MRRF: variants seen among roughly 807,000 people sequenced by gnomAD.
The protein encoded by MRRF is ribosome-recycling factor, mitochondrial.
A neutral mutation model predicts 25.1 loss-of-function variants in MRRF; 18 were observed. The observed-to-expected ratio is 0.72, with a 90% CI of 0.50 to 1.06. MRRF has a LOEUF of 1.06. MRRF is among the 50% of genes least tolerant of loss of function. MRRF has a pLI of 0.00. For missense variants in MRRF, 323 were observed against 319.3 expected, an observed-to-expected ratio of 1.01 and a Z score of -0.09; for synonymous variants, 113 against 112.1, an observed-to-expected ratio of 1.01 and a Z score of -0.05.
chr9:122,283,185 C>T (rs1833185040), intron 3 of MRRF, among the ~76,000 whole-genome samples: 1 of 151,642 alleles, frequency 6.6e-6, no homozygotes, highest in African/African-American at 2.4e-5. Flanking sequence ...CCTCCTTCTC[C>T]CGGGTTCAAG....
chr9:122,286,061 T>G lies in MRRF; in HGVS notation c.459+774T>G, dbSNP rs1161009750. The G allele has an allele frequency of 6.2e-6, 8 of 1,288,466 alleles. No homozygotes were observed. The African/African-American group carries it at 9.1e-5, about 15-fold the overall frequency. The allele number at this position is 1,288,466 out of a possible 1,614,324, so 79.8% of individuals were successfully genotyped here. Reference sequence around the variant, plus strand: ...TAGGAATTGGCCTGGATTAGGAGTCTTAGAGTACCTGGAATCCGGTCCCAT... The same window carrying G: ...TAGGAATTGGCCTGGATTAGGAGTCGTAGAGTACCTGGAATCCGGTCCCAT... On this transcript the variant is annotated intron_variant, in intron 4 of 6. Transcript: ENST00000344641.
chr9:122,320,858 C>T (rs1835852794), intron 6 of MRRF, among the ~76,000 whole-genome samples: 1 of 152,240 alleles, frequency 6.6e-6, no homozygotes, highest in South Asian at 2.1e-4. Flanking sequence ...AGATCCTTGG[C>T]ACCATGCTGC....
At chr9:122,316,605 G>GGT (rs113434723) in intron 6 of MRRF, among the ~76,000 whole-genome samples, 2,994 of 150,822 alleles carry the variant, frequency 0.02, 59 homozygotes, top group African/African-American at 0.062. Flanking sequence ...TGGAATTTTT[G>GGT]GTGTGTGTGT....
chr9:122,292,762 G>A (rs1424310413), intron 5 of MRRF, among the ~76,000 whole-genome samples: 2 of 152,118 alleles, frequency 1.3e-5, no homozygotes, highest in Non-Finnish European at 2.9e-5. Flanking sequence ...ATGGACTATA[G>A]GGGTACAAAG....
rs1835960199 is a variant in MRRF, at chr9:122,322,624, A to G, written c.*7A>G. The G allele has an allele frequency of 1.9e-6, 3 of 1,613,802 alleles. No individual in the cohort carries two copies. Among genetic ancestry groups the G allele is most frequent in the East Asian group, 2.2e-5 (1 of 44,882 alleles). ...CAAAGAACTCCTTGGATGAAAGTCC[A>G]CTGGGGCCAGCAATACTCCAGAGCC... is the stretch of plus-strand genomic sequence containing the variant. On this transcript the variant is annotated 3_prime_UTR_variant, in exon 7 of 7. Coordinates refer to ENST00000344641, the MANE Select transcript of MRRF (RefSeq NM_138777.5).
chr9:122,288,114 C>T (rs1833523262), intron 4 of MRRF, among the ~76,000 whole-genome samples: 1 of 152,116 alleles, frequency 6.6e-6, no homozygotes, highest in Admixed American at 6.5e-5. Context: ...TAACATGTGT[C>T]CTGCTTGATA....
intron 5 of MRRF, among the ~76,000 whole-genome samples, chr9:122,297,821 A>G (rs190759372): frequency 6.6e-6 from 1 of 152,278 alleles, no homozygotes; most frequent in East Asian, 1.9e-4. Flanking sequence ...AGGGCCAGAA[A>G]ACCATCTGCA....
At chr9:122,281,216 T>G (rs1833076883) in intron 3 of MRRF, among the ~76,000 whole-genome samples, 1 of 152,170 alleles carries the variant, frequency 6.6e-6, no homozygotes, top group Non-Finnish European at 1.5e-5. Context: ...GCCAACTGTT[T>G]GCAGATGTGA....
At chr9:122,303,669 A>G (rs980258793) in intron 5 of MRRF, among the ~76,000 whole-genome samples, 2 of 152,116 alleles carry the variant, frequency 1.3e-5, no homozygotes, top group Non-Finnish European at 2.9e-5. Context: ...TGGTGATCGC[A>G]TTGTTCTTTT....
At chr9:122,311,507 T>C (rs775862739) in intron 5 of MRRF, among the ~76,000 whole-genome samples, 6 of 152,260 alleles carry the variant, frequency 3.9e-5, no homozygotes, top group Non-Finnish European at 8.8e-5. Flanking sequence ...CACATTTGCA[T>C]TAATAAATAC....
intron 1 of MRRF, among the ~76,000 whole-genome samples, chr9:122,267,531 C>T (rs1832193614): frequency 6.6e-6 from 1 of 152,166 alleles, no homozygotes; most frequent in African/African-American, 2.4e-5. Context: ...GCCTTGGACT[C>T]CTGGCCTGAA....
chr9:122,322,506 A>G (rs781059970), intron 6 of MRRF, 34 bp from the exon 7 acceptor site: 4 of 1,600,932 alleles, frequency 2.5e-6, no homozygotes, highest in Non-Finnish European at 3.4e-6. Flanking sequence ...TTCCAGCCCC[A>G]TTAATCAGGC....
chr9:122,271,618 C>T (rs1443948545), intron 2 of MRRF, among the ~76,000 whole-genome samples: 2 of 152,168 alleles, frequency 1.3e-5, no homozygotes, highest in Admixed American at 1.3e-4. Flanking sequence ...TGCCTGCACT[C>T]GTGCATTCTG....
chr9:122,320,050 G>GT (rs1187462025), intron 6 of MRRF, among the ~76,000 whole-genome samples: 6 of 151,310 alleles, frequency 4.0e-5, no homozygotes, highest in Non-Finnish European at 8.9e-5. Context: ...AACTTTTTGT[G>GT]TTTTTTTAGA....
In MRRF at chr9:122,322,798, T is replaced by C. The variant is rs1835968233; in HGVS notation, c.*181T>C. On this transcript the variant is annotated 3_prime_UTR_variant, in exon 7 of 7. Coordinates refer to ENST00000344641, the MANE Select transcript of MRRF (RefSeq NM_138777.5). ...TCAGACATGTTCATTCTCTTCCTGC[T>C]TCTGCTCTGGGCCGGTGGGTGGCTC... 3 of 683,962 alleles carry C rather than the reference T, an allele frequency of 4.4e-6. No homozygotes were observed. Among genetic ancestry groups the C allele is most frequent in the Non-Finnish European group, 8.0e-6 (3 of 375,744 alleles). The allele number at this position is 683,962 out of a possible 1,614,324, so 42.4% of individuals were successfully genotyped here. A position where few individuals can be genotyped will look rare whatever the true frequency, so the allele number is the denominator to read the frequency against.
chr9:122,293,472 G>A (rs766274284), intron 5 of MRRF, among the ~76,000 whole-genome samples: 46 of 152,260 alleles, frequency 3.0e-4, no homozygotes, highest in South Asian at 1.0e-3. Context: ...ATCCCAACAC[G>A]GGAGTCCAGA....
intron 5 of MRRF, among the ~76,000 whole-genome samples, chr9:122,306,914 A>G (rs1361878201): frequency 1.3e-5 from 2 of 152,216 alleles, no homozygotes; most frequent in African/African-American, 4.8e-5. Flanking sequence ...CTTTGAAAGC[A>G]GGTGCCCAGT....
At chr9:122,307,287 G>C (rs111722508) in intron 5 of MRRF, among the ~76,000 whole-genome samples, 1 of 152,166 alleles carries the variant, frequency 6.6e-6, no homozygotes, top group Admixed American at 6.5e-5. Flanking sequence ...GCAATGTCAG[G>C]AATGTATCTT....
intron 5 of MRRF, among the ~76,000 whole-genome samples, chr9:122,294,764 A>G (rs1833982248): frequency 6.6e-6 from 1 of 152,186 alleles, no homozygotes; most frequent in Admixed American, 6.5e-5. Flanking sequence ...CTTATTTGTA[A>G]AATAGGTTAG....
Sources: gnomAD v4.1 joint callset for allele counts (sites outside exome capture counted in the v4.1 genomes callset) on GRCh38, gnomAD v4.1.1 for gene constraint, MANE v1.5 for transcripts, NCBI Gene and HGNC (gene_info 2026-07-23, HGNC 2026-07-21) for gene names.